DOCK6: variants seen among roughly 807,000 people sequenced by gnomAD.
DOCK6 encodes dedicator of cytokinesis protein 6.
In DOCK6, 167 loss-of-function variants were observed where a neutral mutation model predicts 230.3. The ratio of observed to expected loss-of-function variants is 0.73; its 90% confidence interval spans 0.64 to 0.82. DOCK6 has a LOEUF of 0.82. Ranked by LOEUF, DOCK6 falls within the 40% of genes least tolerant of loss-of-function variation. DOCK6 has a pLI of 0.00. For synonymous variants in DOCK6, 1,148 were observed against 1,185.0 expected (o/e 0.97, Z 0.64); for missense variants, 2,598 against 2,825.8 (o/e 0.92, Z 1.83).
At chr19:11,220,023 G>T (rs566088286) in intron 28 of DOCK6, among the ~76,000 whole-genome samples, 1 of 151,220 alleles carries the variant, frequency 6.6e-6, no homozygotes, top group Non-Finnish European at 1.5e-5. Flanking sequence ...GCACAATCTC[G>T]GCTCACTGCG....
rs2079587422 is a variant in DOCK6, at chr19:11,221,996, G to A, written c.3405C>T (p.Ala1135=). 2 of 1,611,728 alleles carry A rather than the reference G, an allele frequency of 1.2e-6. No individual in the cohort carries two copies. Among genetic ancestry groups the A allele is most frequent in the South Asian group, 2.2e-5 (2 of 91,064 alleles). Residue 1135 remains alanine, a synonymous_variant, in exon 28 of 48, where the codon GCC becomes GCT. Transcript: ENST00000294618. The stretch of plus-strand genomic sequence containing the variant: ...ATAGCAGGCTGTGCACAGCACTGAT[G>A]GCCTTCTTGTGCAACAGGAATGCCC... The part of the protein sequence containing the change: ...AEGAFLLHKK[A]ISAVHSLLCG...
chr19:11,220,901 TGCAAGCTCCGCCTCCC>T (rs1167403018), intron 28 of DOCK6, among the ~76,000 whole-genome samples: 1 of 150,986 alleles, frequency 6.6e-6, no homozygotes, highest in East Asian at 1.9e-4. Context: ...CTCAGCTCAC[TGCAAGCTCCGCCTCCC>T]GTGTTCATGC....
Position 11,222,765 on chromosome 19 carries a change from G to T in DOCK6, c.3210C>A (p.Pro1070=). ...PCCPLSPPAS[P]SPSVSSTTSQ... ...AGGTGGTGGAGGACACAGAGGGGGAGGGCGAGGCTGGAGGTGACAGGGGGC... is the reference window on the plus strand; with the variant it reads ...AGGTGGTGGAGGACACAGAGGGGGATGGCGAGGCTGGAGGTGACAGGGGGC... Residue 1070 remains proline, a synonymous_variant, in exon 26 of 48, where the codon CCC becomes CCA. Coordinates refer to ENST00000294618, the MANE Select transcript of DOCK6 (RefSeq NM_020812.4). The surrounding 1 kb of genome is among the most constrained non-coding windows in gnomAD (Gnocchi z 4.0). The T allele has an allele frequency of 6.3e-7, 1 of 1,579,916 alleles. No homozygotes were observed. The highest frequency in any genetic ancestry group is 1.9e-5 in the Admixed American group (1 of 53,614).
intron 21 of DOCK6, among the ~76,000 whole-genome samples, chr19:11,234,474 T>C (rs1215055005): frequency 6.7e-6 from 1 of 149,560 alleles, no homozygotes; most frequent in Non-Finnish European, 1.5e-5. Flanking sequence ...GAATAATGCC[T>C]GACACATAGG....
In DOCK6 at chr19:11,216,961, G is replaced by A. The variant is rs749514575; in HGVS notation, c.3847C>T (p.Arg1283Cys). The stretch of plus-strand genomic sequence containing the variant: ...CAAAGGTACAGCAAATCCAACAGAC[G>A]TCCCAGCTGGGGGAGTGTCAGGTCA... ...ATDLTLPQLGRLLDLLYLCLA... is the reference protein window; with the variant it reads ...ATDLTLPQLGCLLDLLYLCLA... Residue 1283 changes from arginine (R) to cysteine (C), a missense_variant, in exon 30 of 48, where the codon CGT becomes TGT. By Grantham distance (180) the Arg-to-Cys change is radical (BLOSUM62 -3). Coordinates refer to ENST00000294618, the MANE Select transcript of DOCK6 (RefSeq NM_020812.4). The A allele has an allele frequency of 2.7e-5, 43 of 1,613,656 alleles. No homozygotes were observed. In the Middle Eastern group the frequency reaches 4.9e-4, roughly 19 times the overall value.
At chr19:11,257,711 C>T (rs909953630) in intron 1 of DOCK6, among the ~76,000 whole-genome samples, 4 of 151,896 alleles carry the variant, frequency 2.6e-5, no homozygotes, top group Non-Finnish European at 5.9e-5. Context: ...ATCACTTGAA[C>T]CCGGGAGGTG....
chr19:11,261,290 G>A (rs963283417), intron 1 of DOCK6, among the ~76,000 whole-genome samples: 3 of 151,932 alleles, frequency 2.0e-5, no homozygotes, highest in Non-Finnish European at 4.4e-5. Context: ...TTTGCTCAAA[G>A]GCACCTGCTC....
intron 5 of DOCK6, 154 bp from the exon 6 acceptor site, chr19:11,251,240 A>C: frequency 1.4e-6 from 1 of 727,822 alleles, no homozygotes; most frequent in Non-Finnish European, 2.2e-6. Flanking sequence ...GGTTTTGCCT[A>C]CCCTCTTTCC....
Position 11,236,272 on chromosome 19 carries a change from A to G in DOCK6, c.2392+74T>C, listed in dbSNP as rs1213387900. 1.1e-5 allele frequency: 15 copies of G among 1,357,342 alleles called. No homozygotes were observed. Among genetic ancestry groups the G allele is most frequent in the Non-Finnish European group, 1.5e-5 (15 of 997,918 alleles). 84.1% of individuals were successfully genotyped at this position (1,357,342 alleles called of 1,614,324 possible). On this transcript the variant is annotated intron_variant, in intron 20 of 47. Coordinates refer to ENST00000294618, the MANE Select transcript of DOCK6 (RefSeq NM_020812.4). This position sits in a 1 kb window ranked among gnomAD's most constrained non-coding sequence, Gnocchi z 5.2. ...GCCAGAGAGGTAAATGGGCTTATAGAAGATCCCTCAGGACCTCAGGACTGA... is the reference window on the plus strand; with the variant it reads ...GCCAGAGAGGTAAATGGGCTTATAGGAGATCCCTCAGGACCTCAGGACTGA...
In DOCK6 at chr19:11,222,940, A is replaced by T. The variant is rs764210864; in HGVS notation, c.3070-35T>A. On this transcript the variant is annotated intron_variant, in intron 25 of 47. Coordinates refer to ENST00000294618, the MANE Select transcript of DOCK6 (RefSeq NM_020812.4). This position sits in a 1 kb window ranked among gnomAD's most constrained non-coding sequence, Gnocchi z 4.0. ...AGGGGTGGCCATCAGTGATGTCAAC[A>T]TTGCTCCGCCTTCCATCCATGCCAT... 3 of 1,612,964 alleles carry T rather than the reference A, an allele frequency of 1.9e-6. No homozygotes were observed. Among genetic ancestry groups the T allele is most frequent in the Non-Finnish European group, 2.5e-6 (3 of 1,179,566 alleles).
rs1175555499 is a variant in DOCK6 at position 11,222,278 on chromosome 19, C to T, written c.3241-30G>A. 2.5e-6 allele frequency: 4 copies of T among 1,578,920 alleles called. No individual in the cohort carries two copies. In the East Asian group the frequency reaches 6.9e-5, roughly 27 times the overall value. The stretch of plus-strand genomic sequence containing the variant: ...AGAGTGGGGGAAAAATGGGGGATGC[C>T]AGCGGTCAAGGGTCAGAGGTGGCAG... On this transcript the variant is annotated intron_variant, in intron 26 of 47. Coordinates refer to ENST00000294618, the MANE Select transcript of DOCK6 (RefSeq NM_020812.4). The surrounding 1 kb of genome is among the most constrained non-coding windows in gnomAD (Gnocchi z 4.0).
In DOCK6 at chr19:11,241,416, G is replaced by C. The variant is rs756254735; in HGVS notation, c.1643+629C>G. On this transcript the variant is annotated intron_variant, in intron 14 of 47. Coordinates refer to ENST00000294618, the MANE Select transcript of DOCK6 (RefSeq NM_020812.4). ...GGGGATGGGAGGTGAGGTGGCTGTC[G>C]GCTGAGGTTTCCATTCTGACCCCCA... 4.8e-6 allele frequency: 7 copies of C among 1,463,832 alleles called. 1 individual carries two copies. The South Asian group carries it at 7.3e-5, about 15-fold the overall frequency. The allele number at this position is 1,463,832 out of a possible 1,614,324, so 90.7% of individuals were successfully genotyped here. A position where few individuals can be genotyped will look rare whatever the true frequency, so the allele number is the denominator to read the frequency against.
chr19:11,213,236 GA>G lies in DOCK6; in HGVS notation c.4430del (p.Ile1477ThrfsTer26). On this transcript the variant is annotated frameshift_variant, in exon 35 of 48. Coordinates refer to ENST00000294618, the MANE Select transcript of DOCK6 (RefSeq NM_020812.4). LOFTEE classifies it high-confidence loss of function. ...LRHCGSRIST[I>X]RTHASASLYL... is the part of the protein sequence containing the mutation. ...ACAGCGAGGCGCTGGCGTGCGTGCGGATGGTGCTGATGCGGCTGCCACAGTG... is the reference window on the plus strand; with the variant it reads ...ACAGCGAGGCGCTGGCGTGCGTGCGGTGGTGCTGATGCGGCTGCCACAGTG... 1 of 1,613,194 alleles carries G rather than the reference GA, an allele frequency of 6.2e-7. No homozygotes were observed. The highest frequency in any genetic ancestry group is 8.5e-7 in the Non-Finnish European group (1 of 1,179,880).
At position 11,241,985 on chromosome 19, in the gene DOCK6, C is replaced by T. The variant is rs947899250; in HGVS notation, c.1643+60G>A. 94 of 1,514,916 alleles carry T rather than the reference C, an allele frequency of 6.2e-5. 1 individual carries two copies. The Middle Eastern group carries it at 1.2e-3, about 19-fold the overall frequency. 93.8% of individuals were successfully genotyped at this position (1,514,916 alleles called of 1,614,324 possible). A position where few individuals can be genotyped will look rare whatever the true frequency, so the allele number is the denominator to read the frequency against. On this transcript the variant is annotated intron_variant, in intron 14 of 47. Transcript: ENST00000294618. ...GTGTCCTTGGCTTAGGGAGACCCCA[C>T]CCAGCATGATGTATGAATACCTCCC...
intron 30 of DOCK6, 84 bp from the exon 31 acceptor site, chr19:11,216,011 T>C (rs2079480545): frequency 6.4e-7 from 1 of 1,560,550 alleles, no homozygotes. Context: ...TTCTTTGTGC[T>C]CTTTCTCACC....
At position 11,243,883 on chromosome 19, in the gene DOCK6, CTGCGGGGCAGA is replaced by C; in HGVS notation, c.1024-12_1024-2del. On this transcript the variant is annotated splice_acceptor_variant and splice_polypyrimidine_tract_variant and intron_variant, in intron 9 of 47. Coordinates refer to ENST00000294618, the MANE Select transcript of DOCK6 (RefSeq NM_020812.4). LOFTEE classifies it high-confidence loss of function. This position sits in a 1 kb window ranked among gnomAD's most constrained non-coding sequence, Gnocchi z 6.3. The stretch of plus-strand genomic sequence containing the variant: ...CCCCTTGCTGAAGCACCTTCTCCAA[CTGCGGGGCAGA>C]TGAATGAATCCAGTGAGGCGCTGCC... 6.2e-7 allele frequency: 1 copy of C among 1,607,038 alleles called. No homozygotes were observed. Among genetic ancestry groups the C allele is most frequent in the Non-Finnish European group, 8.5e-7 (1 of 1,176,890 alleles).
At chr19:11,241,672 G>A (rs1376241810) in intron 14 of DOCK6, 24 of 1,582,812 alleles carry the variant, frequency 1.5e-5, no homozygotes, top group East Asian at 2.3e-5. Context: ...TCCACACAGC[G>A]GCGCTCCCAG....
At chr19:11,223,243 C>T in intron 24 of DOCK6, 137 bp from the exon 25 acceptor site, 2 of 752,440 alleles carry the variant, frequency 2.7e-6, no homozygotes, top group South Asian at 3.7e-5. Flanking sequence ...TGTGGTGACT[C>T]TGGGACTTCC....
intron 24 of DOCK6, among the ~76,000 whole-genome samples, chr19:11,225,456 G>A (rs1402763790): frequency 6.6e-6 from 1 of 152,092 alleles, no homozygotes; most frequent in Non-Finnish European, 1.5e-5. Flanking sequence ...CAAATCCAGA[G>A]GTCCCATTTC....
Sources: gnomAD v4.1 joint callset for allele counts (sites outside exome capture counted in the v4.1 genomes callset) on GRCh38, gnomAD v4.1.1 for gene constraint, Gnocchi (gnomAD v3.1) non-coding constraint, MANE v1.5 for transcripts, NCBI Gene and HGNC (gene_info 2026-07-23, HGNC 2026-07-21) for gene names.